The following HMGCLL1 variants were observed in gnomAD, a reference collection of about 807,000 sequenced individuals.
HMGCLL1 encodes 3-hydroxy-3-methylglutaryl-CoA lyase like 1.
HMGCLL1 carries 36 observed loss-of-function variants against 39.1 expected under a neutral mutation model. The ratio of observed to expected loss-of-function variants is 0.92; its 90% CI spans 0.71 to 1.22. The LOEUF (loss-of-function observed/expected upper bound fraction) is 1.22, where lower values mean the gene tolerates loss of function less well. Ranked by LOEUF, HMGCLL1 falls within the 50% of genes most tolerant of loss-of-function variation. The pLI is 0.00. For missense variants in HMGCLL1, 451 were observed against 416.5 expected (o/e 1.08, Z -0.72); for synonymous variants, 149 against 144.0 (o/e 1.03, Z -0.25).
chr6:55,584,830 T>C, the HMGCLL1 span, among the ~76,000 whole-genome samples: 1 of 151,984 alleles, frequency 6.6e-6, no homozygotes, highest in Non-Finnish European at 1.5e-5. Context: ...AAAAGACACA[T>C]ATGGTGAATC....
intron 1 of HMGCLL1, among the ~76,000 whole-genome samples, chr6:55,563,662 C>T (rs374552923): frequency 6.6e-6 from 1 of 152,124 alleles, no homozygotes; most frequent in Non-Finnish European, 1.5e-5. Context: ...AAAGTTTTCA[C>T]ATGTGGTTTG....
At chr6:55,486,310 A>G (rs1766023863) in intron 7 of HMGCLL1, among the ~76,000 whole-genome samples, 1 of 152,094 alleles carries the variant, frequency 6.6e-6, no homozygotes, top group Non-Finnish European at 1.5e-5. Context: ...TTGGTCAACA[A>G]TAAAGCAGTA....
At chr6:55,549,594 T>C (rs752872415) in intron 1 of HMGCLL1, among the ~76,000 whole-genome samples, 1 of 151,898 alleles carries the variant, frequency 6.6e-6, no homozygotes, top group African/African-American at 2.4e-5. Context: ...AAGGAAACTA[T>C]TAAAATGCAT....
intron 2 of HMGCLL1, 42 bp from the exon 3 acceptor site, chr6:55,541,878 C>A: frequency 8.7e-7 from 1 of 1,143,434 alleles, no homozygotes; most frequent in South Asian, 1.4e-5. Context: ...TTGTATAGGT[C>A]CTATTTAAGC....
chr6:55,561,539 G>T (rs2127470706), intron 1 of HMGCLL1, among the ~76,000 whole-genome samples: 1 of 152,202 alleles, frequency 6.6e-6, no homozygotes, highest in Middle Eastern at 3.4e-3. Context: ...CTGGGTCCAT[G>T]AATTTGCATT....
At chr6:55,656,987 G>A in the HMGCLL1 span, among the ~76,000 whole-genome samples, 1 of 151,882 alleles carries the variant, frequency 6.6e-6, no homozygotes, top group Non-Finnish European at 1.5e-5. Flanking sequence ...CACAGAATTT[G>A]CTGATGAATT....
the HMGCLL1 span, among the ~76,000 whole-genome samples, chr6:55,585,409 G>C: frequency 9.5e-4 from 145 of 152,148 alleles, no homozygotes; most frequent in African/African-American, 2.3e-3. Flanking sequence ...TTTGCCAACA[G>C]ATATAAAAAT....
the HMGCLL1 span, among the ~76,000 whole-genome samples, chr6:55,664,364 G>C: frequency 9.9e-5 from 15 of 151,686 alleles, no homozygotes; most frequent in African/African-American, 3.6e-4. Context: ...AGGTCTGGTA[G>C]TAATAAACTG....
chr6:55,643,344 G>C, the HMGCLL1 span, among the ~76,000 whole-genome samples: 2 of 151,932 alleles, frequency 1.3e-5, no homozygotes, highest in African/African-American at 2.4e-5. Context: ...GACTGGTATA[G>C]ATAGTATCTC....
At chr6:55,643,593 C>G in the HMGCLL1 span, among the ~76,000 whole-genome samples, 1 of 151,896 alleles carries the variant, frequency 6.6e-6, no homozygotes, top group African/African-American at 2.4e-5. Context: ...ACCATCCTCA[C>G]CTTCCCCCAC....
At chr6:55,598,276 C>A in the HMGCLL1 span, among the ~76,000 whole-genome samples, 1 of 151,598 alleles carries the variant, frequency 6.6e-6, no homozygotes, top group Non-Finnish European at 1.5e-5. Flanking sequence ...GACGAGATAC[C>A]CTAAATATCC....
chr6:55,480,386 G>A (rs1438247085), intron 7 of HMGCLL1, among the ~76,000 whole-genome samples: 2 of 151,588 alleles, frequency 1.3e-5, no homozygotes, highest in African/African-American at 4.9e-5. Flanking sequence ...CAACATAACT[G>A]ATCATCAGAC....
At chr6:55,610,144 G>C in the HMGCLL1 span, among the ~76,000 whole-genome samples, 1 of 152,106 alleles carries the variant, frequency 6.6e-6, no homozygotes, top group Admixed American at 6.6e-5. Flanking sequence ...TGATCGCAAT[G>C]CCTCTCCAGC....
chr6:55,535,070 T>C (rs539368803), intron 3 of HMGCLL1, among the ~76,000 whole-genome samples: 105 of 152,372 alleles, frequency 6.9e-4, no homozygotes, highest in African/African-American at 2.4e-3. Flanking sequence ...TATGTGGATC[T>C]AGCTCTCAGA....
chr6:55,526,407 T>G (rs974851381), intron 3 of HMGCLL1, among the ~76,000 whole-genome samples: 5 of 152,110 alleles, frequency 3.3e-5, no homozygotes, highest in Admixed American at 6.6e-5. Flanking sequence ...TAACTTGCTT[T>G]GTATTATCTA....
intron 7 of HMGCLL1, among the ~76,000 whole-genome samples, chr6:55,492,593 C>T (rs1284820005): frequency 1.3e-5 from 2 of 152,222 alleles, no homozygotes; most frequent in East Asian, 3.8e-4. Flanking sequence ...GTTTATCAAA[C>T]TCTATGCCAG....
chr6:55,543,701 A>T lies in HMGCLL1; in HGVS notation c.109-1561T>A, dbSNP rs899796494. ...AAACCTCATCTCTCTTAAAAAAAAC[A>T]AAAAATCAAAAATTAGTCAGGCGTG... On this transcript the variant is annotated intron_variant, in intron 1 of 8. Coordinates refer to ENST00000274901, the MANE Select transcript of HMGCLL1 (RefSeq NM_001042406.2). Among the ~76,000 whole-genome samples the T allele has an allele frequency of 6.7e-5, 10 of 150,268 alleles. No homozygotes were observed. In the Admixed American group the frequency reaches 6.7e-4, roughly 10 times the overall value.
chr6:55,488,283 C>G (rs1766145208), intron 7 of HMGCLL1, among the ~76,000 whole-genome samples: 1 of 151,976 alleles, frequency 6.6e-6, no homozygotes, highest in Non-Finnish European at 1.5e-5. Flanking sequence ...ATACATGATT[C>G]TTACAGTTAA....
At chr6:55,534,398 A>T (rs1768886336) in intron 3 of HMGCLL1, among the ~76,000 whole-genome samples, 1 of 152,136 alleles carries the variant, frequency 6.6e-6, no homozygotes, top group Non-Finnish European at 1.5e-5. Context: ...AACTGACTCA[A>T]CTAATAGCTT....
Sources: gnomAD v4.1 joint callset for allele counts (sites outside exome capture counted in the v4.1 genomes callset) on GRCh38, gnomAD v4.1.1 for gene constraint, MANE v1.5 for transcripts, NCBI Gene and HGNC (gene_info 2026-07-23, HGNC 2026-07-21) for gene names.